Variants in ROBO2 observed in about 807,000 individuals in gnomAD.
ROBO2 encodes the protein roundabout homolog 2.
A neutral mutation model predicts 160.8 loss-of-function variants in ROBO2; 53 were observed. The ratio of observed to expected loss-of-function variants is 0.33; its 90% CI spans 0.26 to 0.41. The LOEUF (loss-of-function observed/expected upper bound fraction) is 0.41. Ranked by LOEUF, ROBO2 falls within the 10% of genes least tolerant of loss-of-function variation. ROBO2 has a pLI of 1.00. For missense variants in ROBO2, 1,577 were observed against 1,722.4 expected, an observed-to-expected ratio of 0.92 and a Z score of 1.49; for synonymous variants, 664 against 611.7, an observed-to-expected ratio of 1.09 and a Z score of -1.26.
intron 2 of ROBO2, among the ~76,000 whole-genome samples, chr3:76,272,937 A>T (rs1334340076): frequency 8.6e-5 from 2 of 23,346 alleles, no homozygotes; most frequent in African/African-American, 1.8e-4. Flanking sequence ...TTTATATATA[A>T]ATATATAAAA....
intron 2 of ROBO2, among the ~76,000 whole-genome samples, chr3:77,302,502 T>A (rs2153413963): frequency 6.6e-6 from 1 of 152,248 alleles, no homozygotes; most frequent in South Asian, 2.1e-4. Context: ...ATAAGATCAT[T>A]AAACCAATAA....
intron 2 of ROBO2, among the ~76,000 whole-genome samples, chr3:77,347,238 G>C (rs1451651178): frequency 3.9e-5 from 6 of 151,978 alleles, no homozygotes; most frequent in African/African-American, 1.2e-4. Context: ...AAGCTGTAAG[G>C]TTCATATTTG....
chr3:76,819,170 G>T (rs1341515845), intron 2 of ROBO2, among the ~76,000 whole-genome samples: 2 of 152,078 alleles, frequency 1.3e-5, no homozygotes, highest in Non-Finnish European at 2.9e-5. Context: ...ATTACACAAA[G>T]CGGAGAGTGC....
At chr3:76,839,344 T>A (rs368841335) in intron 2 of ROBO2, among the ~76,000 whole-genome samples, 60 of 152,230 alleles carry the variant, frequency 3.9e-4, no homozygotes, top group African/African-American at 1.4e-3. Context: ...AAATAAGGCA[T>A]GTAGGAAAAG....
chr3:77,562,885 T>G (rs746346126), intron 10 of ROBO2, among the ~76,000 whole-genome samples, 153 bp downstream of exon 11: 25 of 152,188 alleles, frequency 1.6e-4, no homozygotes, highest in Non-Finnish European at 2.8e-4. Context: ...TGCATGAATT[T>G]GCACACACCA....
At chr3:76,780,794 A>G (rs2108604054) in intron 2 of ROBO2, among the ~76,000 whole-genome samples, 1 of 150,852 alleles carries the variant, frequency 6.6e-6, no homozygotes, top group South Asian at 2.1e-4. Flanking sequence ...CTATGCCAGT[A>G]CCATCCTGTT....
chr3:77,310,812 A>C (rs2153422091), intron 2 of ROBO2, among the ~76,000 whole-genome samples: 1 of 151,890 alleles, frequency 6.6e-6, no homozygotes, highest in South Asian at 2.1e-4. Context: ...ATTACTATTT[A>C]ATATAGAATT....
chr3:77,533,815 T>C (rs1377754292), intron 6 of ROBO2, among the ~76,000 whole-genome samples: 2 of 152,046 alleles, frequency 1.3e-5, no homozygotes, highest in African/African-American at 4.8e-5. Context: ...CCTAATATAA[T>C]CATGAAAGTA....
intron 23 of ROBO2, among the ~76,000 whole-genome samples, 165 bp downstream of exon 24, chr3:77,622,597 T>G (rs1443365125): frequency 4.6e-5 from 7 of 152,226 alleles, no homozygotes; most frequent in Admixed American, 2.6e-4. Flanking sequence ...TTGGAAATAC[T>G]TTTGCTTTGC....
chr3:76,936,959 T>C (rs916224853), intron 2 of ROBO2, among the ~76,000 whole-genome samples: 10 of 152,062 alleles, frequency 6.6e-5, no homozygotes, highest in African/African-American at 2.4e-4. Context: ...AAATGAAGAC[T>C]AGCGTCTAAA....
intron 2 of ROBO2, among the ~76,000 whole-genome samples, chr3:76,010,787 TTGAAA>T: frequency 6.6e-6 from 1 of 152,212 alleles, no homozygotes. Context: ...GAGAAAAGTG[TTGAAA>T]TGAAATTAAC....
intron 2 of ROBO2, among the ~76,000 whole-genome samples, chr3:76,253,869 A>G (rs1052724760): frequency 2.0e-5 from 3 of 151,960 alleles, no homozygotes; most frequent in African/African-American, 7.2e-5. Context: ...AGTAAGTTAC[A>G]TGCTTCACTC....
intron 2 of ROBO2, among the ~76,000 whole-genome samples, chr3:76,488,752 T>G (rs2079636521): frequency 6.6e-6 from 1 of 152,022 alleles, no homozygotes; most frequent in African/African-American, 2.4e-5. Context: ...GGGTCTAGGA[T>G]AAAGGACACA....
At chr3:76,107,639 T>C (rs2070006142) in intron 2 of ROBO2, among the ~76,000 whole-genome samples, 1 of 152,052 alleles carries the variant, frequency 6.6e-6, no homozygotes, top group African/African-American at 2.4e-5. Flanking sequence ...GTGATTACTA[T>C]TGTGGAAATA....
intron 6 of ROBO2, among the ~76,000 whole-genome samples, chr3:77,527,955 G>A (rs1264524551): frequency 6.6e-6 from 1 of 151,566 alleles, no homozygotes; most frequent in South Asian, 2.1e-4. Flanking sequence ...CCCTAAGTGG[G>A]GGAGGGATAG....
intron 2 of ROBO2, among the ~76,000 whole-genome samples, chr3:77,318,394 T>TA (rs1560521645): frequency 6.6e-6 from 1 of 152,170 alleles, no homozygotes. Context: ...CTTCTATTAA[T>TA]AAAAAATAAA....
intron 2 of ROBO2, among the ~76,000 whole-genome samples, chr3:76,408,644 G>A (rs573397014): frequency 2.6e-4 from 39 of 152,178 alleles, no homozygotes; most frequent in African/African-American, 9.4e-4. Flanking sequence ...TATAGAAGAT[G>A]TAAGTTTATC....
rs985241261 is a variant in ROBO2, at chr3:76,481,263, T to C, written c.109+543661T>C. Among the ~76,000 whole-genome samples the C allele has an allele frequency of 3.3e-5, 5 of 152,280 alleles. No homozygotes were observed. The East Asian group carries it at 9.6e-4, about 29-fold the overall frequency. ...CTTTCTTCATTGGACATAAATGATA[T>C]CATCTGTATTGAGTAAATGGAAATT... is the stretch of plus-strand genomic sequence containing the variant. On this transcript the variant is annotated intron_variant, in intron 2 of 26. Transcript: ENST00000487694.
intron 2 of ROBO2, among the ~76,000 whole-genome samples, chr3:76,453,777 A>C (rs1447034480): frequency 6.6e-6 from 1 of 152,196 alleles, no homozygotes; most frequent in Non-Finnish European, 1.5e-5. Flanking sequence ...TATCCTCTAA[A>C]AAAATGAATC....
Sources: allele counts gnomAD v4.1 joint callset (sites outside exome capture counted in the v4.1 genomes callset), GRCh38; gene constraint gnomAD v4.1.1; transcripts MANE v1.5; gene names NCBI Gene and HGNC (gene_info 2026-07-23, HGNC 2026-07-21).